Variants in YWHAG observed in about 807,000 individuals in gnomAD.
YWHAG encodes the protein tyrosine 3-monooxygenase/tryptophan 5-monooxygenase activation protein gamma.
In YWHAG, 1 loss-of-function variant was observed where a neutral mutation model predicts 23.3. The ratio of observed to expected loss-of-function variants is 0.04; its 90% CI spans 0.02 to 0.20. The LOEUF (loss-of-function observed/expected upper bound fraction) is 0.20. Ranked by LOEUF, YWHAG falls within the 10% of genes least tolerant of loss-of-function variation. The pLI is 1.00. For missense variants in YWHAG, 151 were observed against 338.6 expected (o/e 0.45, Z 4.35); for synonymous variants, 160 against 144.0 (o/e 1.11, Z -0.80).
At chr7:76,358,689 A>T in intron 1 of YWHAG, 33 bp downstream of exon 1, 1 of 1,541,808 alleles carries the variant, frequency 6.5e-7, no homozygotes, top group Non-Finnish European at 8.8e-7. Flanking sequence ...TCGGAGGGGC[A>T]GGGAGCGGCG....
chr7:76,352,889 G>A (rs1168106160), intron 1 of YWHAG, among the ~76,000 whole-genome samples: 1 of 152,100 alleles, frequency 6.6e-6, no homozygotes, highest in Non-Finnish European at 1.5e-5. Context: ...GACCTCAAGT[G>A]ATCAACCCAC....
intron 1 of YWHAG, among the ~76,000 whole-genome samples, chr7:76,350,601 C>T (rs1197398402): frequency 6.6e-6 from 1 of 152,154 alleles, no homozygotes; most frequent in Non-Finnish European, 1.5e-5. Context: ...CCCAGCACTT[C>T]CAGAGGCCAA....
chr7:76,342,685 G>A (rs1295860888), intron 1 of YWHAG, among the ~76,000 whole-genome samples: 1 of 152,058 alleles, frequency 6.6e-6, no homozygotes, highest in Non-Finnish European at 1.5e-5. Context: ...CTTTCAGCCT[G>A]CTATTTAGTA....
At chr7:76,354,120 T>C (rs1258026476) in intron 1 of YWHAG, among the ~76,000 whole-genome samples, 3 of 150,864 alleles carry the variant, frequency 2.0e-5, no homozygotes, top group African/African-American at 4.9e-5. Context: ...CTGGAATATC[T>C]GGTAAAACAC....
chr7:76,349,605 TAC>T (rs2115643213), intron 1 of YWHAG, among the ~76,000 whole-genome samples: 1 of 152,328 alleles, frequency 6.6e-6, no homozygotes, highest in Non-Finnish European at 1.5e-5. Context: ...TTGGTAGAAA[TAC>T]ATTCTATGTA....
intron 1 of YWHAG, among the ~76,000 whole-genome samples, chr7:76,347,473 C>T (rs992502590): frequency 2.0e-5 from 3 of 152,052 alleles, no homozygotes; most frequent in African/African-American, 7.2e-5. Flanking sequence ...GTGGCATGTG[C>T]TACTTGGGAG....
chr7:76,344,503 T>G (rs1464530315), intron 1 of YWHAG, among the ~76,000 whole-genome samples: 1 of 152,212 alleles, frequency 6.6e-6, no homozygotes, highest in Non-Finnish European at 1.5e-5. Context: ...CTCCCATGGC[T>G]GGCAGTCAAA....
At chr7:76,343,629 A>G (rs948028552) in intron 1 of YWHAG, among the ~76,000 whole-genome samples, 14 of 152,100 alleles carry the variant, frequency 9.2e-5, no homozygotes, top group Non-Finnish European at 2.1e-4. Flanking sequence ...CTCCTTTCCA[A>G]TATGAATCCA....
intron 1 of YWHAG, among the ~76,000 whole-genome samples, chr7:76,345,185 CT>C (rs944242945): frequency 4.5e-3 from 593 of 132,184 alleles, no homozygotes; most frequent in South Asian, 6.8e-3. Context: ...TATCCTAAGG[CT>C]TTTTTTTTTT....
At chr7:76,355,968 T>G (rs1168216605) in intron 1 of YWHAG, among the ~76,000 whole-genome samples, 3 of 152,224 alleles carry the variant, frequency 2.0e-5, no homozygotes, top group Non-Finnish European at 4.4e-5. Context: ...AGACCTAACA[T>G]TCCTCTTTCC....
chr7:76,341,232 A>C (rs1338809620), intron 1 of YWHAG, among the ~76,000 whole-genome samples: 2 of 151,868 alleles, frequency 1.3e-5, no homozygotes, highest in Admixed American at 6.6e-5. Context: ...ATCTCTAACT[A>C]AAAATAACTA....
chr7:76,348,421 ATTT>A (rs35576700), intron 1 of YWHAG, among the ~76,000 whole-genome samples: 5 of 130,938 alleles, frequency 3.8e-5, no homozygotes, highest in Admixed American at 7.8e-5. Context: ...ATGCCCGCTA[ATTT>A]TTTTTTTTTT....
At chr7:76,358,592 C>T in intron 1 of YWHAG, 130 bp downstream of exon 1, 2 of 921,728 alleles carry the variant, frequency 2.2e-6, no homozygotes, top group South Asian at 1.9e-5. Context: ...CCTCCCCAGC[C>T]CCCCTCAGTG....
intron 1 of YWHAG, among the ~76,000 whole-genome samples, chr7:76,335,922 C>A (rs80077886): frequency 0.013 from 1,906 of 152,288 alleles, 43 homozygotes; most frequent in African/African-American, 0.043. Flanking sequence ...TGCACTCCAG[C>A]CTGGGCAACA....
intron 1 of YWHAG, 122 bp downstream of exon 1, chr7:76,358,600 G>C (rs1334123789): frequency 2.0e-6 from 2 of 1,007,434 alleles, no homozygotes; most frequent in South Asian, 1.8e-5. Context: ...GCCCCCCTCA[G>C]TGAGCGAGAC....
intron 1 of YWHAG, among the ~76,000 whole-genome samples, chr7:76,348,595 G>A (rs1010513196): frequency 1.6e-4 from 25 of 151,908 alleles, no homozygotes; most frequent in African/African-American, 5.3e-4. Flanking sequence ...TAGTAGAGAC[G>A]GGGTTTCACC....
At chr7:76,355,766 T>C (rs576456222) in intron 1 of YWHAG, among the ~76,000 whole-genome samples, 2 of 152,328 alleles carry the variant, frequency 1.3e-5, no homozygotes, top group African/African-American at 4.8e-5. Flanking sequence ...GTTAAACTGC[T>C]TAACTCAGTA....
At chr7:76,331,976 G>T (rs73703135) in intron 1 of YWHAG, among the ~76,000 whole-genome samples, 1,904 of 152,228 alleles carry the variant, frequency 0.013, 43 homozygotes, top group African/African-American at 0.043. Flanking sequence ...ATTAGTTTAT[G>T]GCAGGCAATT....
intron 1 of YWHAG, among the ~76,000 whole-genome samples, chr7:76,337,363 G>A (rs1460218424): frequency 6.6e-6 from 1 of 152,098 alleles, no homozygotes; most frequent in African/African-American, 2.4e-5. Context: ...GTACTTAAGT[G>A]ACCAGCCCCC....
Sources: allele counts gnomAD v4.1 joint callset (sites outside exome capture counted in the v4.1 genomes callset), GRCh38; gene constraint gnomAD v4.1.1; transcripts MANE v1.5; gene names NCBI Gene and HGNC (gene_info 2026-07-23, HGNC 2026-07-21).